The following VSNL1 variants were observed in gnomAD, a reference collection of about 807,000 sequenced individuals.
The protein encoded by VSNL1 is visinin like 1.
VSNL1 carries 6 observed loss-of-function variants against 20.4 expected under a neutral mutation model. The ratio of observed to expected loss-of-function variants is 0.29; its 90% CI spans 0.16 to 0.58. The LOEUF is 0.58. Among genes scored for constraint, VSNL1 ranks in the 20% least tolerant of loss-of-function variants. VSNL1 has a pLI of 0.90. For synonymous variants in VSNL1, 93 were observed against 86.4 expected, an observed-to-expected ratio of 1.08 and a Z score of -0.42; for missense variants, 100 against 234.5, an observed-to-expected ratio of 0.43 and a Z score of 3.75.
chr2:17,591,968 G>A, intron 1 of VSNL1, 102 bp from the exon 2 acceptor site: 1 of 1,306,954 alleles, frequency 7.7e-7, no homozygotes, highest in African/African-American at 1.5e-5. Context: ...ACACTGGAGG[G>A]AGTTCCGACC....
chr2:17,573,884 G>C (rs1323399159), intron 1 of VSNL1, among the ~76,000 whole-genome samples: 5 of 152,212 alleles, frequency 3.3e-5, no homozygotes, highest in Non-Finnish European at 7.3e-5. Context: ...ATCTGGAAAA[G>C]GAAAGAGTTT....
intron 1 of VSNL1, among the ~76,000 whole-genome samples, chr2:17,552,255 T>G (rs1199439933): frequency 2.0e-5 from 3 of 152,154 alleles, no homozygotes; most frequent in East Asian, 1.9e-4. Context: ...GTTGGATACT[T>G]ACACGCGTTA....
intron 2 of VSNL1, among the ~76,000 whole-genome samples, chr2:17,647,415 C>T (rs889629812): frequency 2.6e-5 from 4 of 152,256 alleles, no homozygotes; most frequent in African/African-American, 9.6e-5. Flanking sequence ...CAGGTGCCAG[C>T]CCCACCCAGG....
chr2:17,569,520 TCTC>T (rs912711494), intron 1 of VSNL1, among the ~76,000 whole-genome samples: 4 of 151,912 alleles, frequency 2.6e-5, no homozygotes, highest in Admixed American at 1.3e-4. Flanking sequence ...ATTAATAGCT[TCTC>T]ATTATTAGAA....
chr2:17,582,672 A>G (rs544461470), intron 1 of VSNL1, among the ~76,000 whole-genome samples: 1 of 152,234 alleles, frequency 6.6e-6, no homozygotes, highest in African/African-American at 2.4e-5. Flanking sequence ...ACTTACTCGG[A>G]GAGGAACAAA....
At chr2:17,565,298 T>A (rs1663911229) in intron 1 of VSNL1, among the ~76,000 whole-genome samples, 1 of 152,168 alleles carries the variant, frequency 6.6e-6, no homozygotes. Flanking sequence ...AATTATATAA[T>A]AAATATCCAT....
At chr2:17,641,954 A>G (rs1051454066) in intron 2 of VSNL1, among the ~76,000 whole-genome samples, 4 of 152,232 alleles carry the variant, frequency 2.6e-5, no homozygotes. Context: ...TGAAAGTAAC[A>G]TCCCTTCTTT....
chr2:17,566,338 A>G (rs1663941923), intron 1 of VSNL1, among the ~76,000 whole-genome samples: 1 of 152,194 alleles, frequency 6.6e-6, no homozygotes, highest in Non-Finnish European at 1.5e-5. Context: ...TTCTCTACAG[A>G]AAATATACCA....
intron 2 of VSNL1, among the ~76,000 whole-genome samples, chr2:17,628,848 G>A (rs1665570834): frequency 6.6e-6 from 1 of 152,206 alleles, no homozygotes. Flanking sequence ...TCTGCTCTCT[G>A]CATTTAGTTG....
At position 17,634,345 on chromosome 2, in the gene VSNL1, C is replaced by A. The variant is rs1158528547; in HGVS notation, c.163-15065C>A. Reference sequence around the variant, plus strand: ...CCCTACATTTTCCTTTTGCACTGAGCCCTGCAAATTATGTAAGAGGTCCTG... The same window carrying A: ...CCCTACATTTTCCTTTTGCACTGAGACCTGCAAATTATGTAAGAGGTCCTG... On this transcript the variant is annotated intron_variant, in intron 2 of 3. Coordinates refer to ENST00000295156, the MANE Select transcript of VSNL1 (RefSeq NM_003385.5). This position sits in a 1 kb window ranked among gnomAD's most constrained non-coding sequence, Gnocchi z 4.3. 6.6e-6 allele frequency among the ~76,000 whole-genome samples: 1 copy of A among 152,150 alleles called. No individual in the cohort carries two copies. The highest frequency in any genetic ancestry group is 1.5e-5 in the Non-Finnish European group (1 of 68,028).
intron 2 of VSNL1, among the ~76,000 whole-genome samples, chr2:17,625,840 A>AT (rs35795117): frequency 0.074 from 8,012 of 108,440 alleles, 538 homozygotes; most frequent in African/African-American, 0.17. Flanking sequence ...TCCTTAGCTG[A>AT]TTTTTTTTTT....
chr2:17,648,395 T>C (rs774263711), intron 2 of VSNL1, among the ~76,000 whole-genome samples: 1 of 152,194 alleles, frequency 6.6e-6, no homozygotes, highest in Non-Finnish European at 1.5e-5. Flanking sequence ...GCCATCTGTA[T>C]GAAGGCTGCT....
Position 17,588,183 on chromosome 2 carries a change from G to A in VSNL1, c.-5-3887G>A, listed in dbSNP as rs112111545. On this transcript the variant is annotated intron_variant, in intron 1 of 3. Coordinates refer to ENST00000295156, the MANE Select transcript of VSNL1 (RefSeq NM_003385.5). The stretch of plus-strand genomic sequence containing the variant: ...CCGGTTTCTGTCCCCTCCCTTCTTC[G>A]GTAATAAACACTTAAATGCTGATGG... 3.5e-3 allele frequency among the ~76,000 whole-genome samples: 526 copies of A among 152,202 alleles called. 3 individuals carry two copies. The highest frequency in any genetic ancestry group is 9.9e-3 in the African/African-American group (412 of 41,528).
chr2:17,655,617 C>T lies in VSNL1; in HGVS notation c.*223C>T, dbSNP rs192098991. ...AGCATATATAAAACAAAACAAACAA[C>T]CTGCCACAATGTGATATGTGTAATA... On this transcript the variant is annotated 3_prime_UTR_variant, in exon 4 of 4. Coordinates refer to ENST00000295156, the MANE Select transcript of VSNL1 (RefSeq NM_003385.5). The surrounding 1 kb of genome is among the most constrained non-coding windows in gnomAD (Gnocchi z 5.2). The T allele has an allele frequency of 3.6e-4, 183 of 509,036 alleles. No individual in the cohort carries two copies. Among genetic ancestry groups the T allele is most frequent in the Middle Eastern group, 1.6e-3 (3 of 1,868 alleles). The allele number at this position is 509,036 out of a possible 1,614,324, so 31.5% of individuals were successfully genotyped here.
At chr2:17,563,369 T>C (rs1258830573) in intron 1 of VSNL1, among the ~76,000 whole-genome samples, 1 of 152,164 alleles carries the variant, frequency 6.6e-6, no homozygotes, top group Admixed American at 6.5e-5. Flanking sequence ...TGCAAATTCA[T>C]TGTAGCTGGG....
intron 1 of VSNL1, among the ~76,000 whole-genome samples, chr2:17,552,441 A>G (rs1306899714): frequency 6.6e-6 from 1 of 152,102 alleles, no homozygotes; most frequent in African/African-American, 2.4e-5. Flanking sequence ...ACCAATCTAC[A>G]CACGTCTTTT....
intron 2 of VSNL1, among the ~76,000 whole-genome samples, chr2:17,615,925 A>G (rs534708733): frequency 6.6e-6 from 1 of 152,366 alleles, no homozygotes; most frequent in South Asian, 2.1e-4. Flanking sequence ...AAAAGCAAGA[A>G]ACAAGATCAT....
At chr2:17,648,606 C>T (rs890602644) in intron 2 of VSNL1, among the ~76,000 whole-genome samples, 10 of 152,304 alleles carry the variant, frequency 6.6e-5, no homozygotes, top group African/African-American at 2.4e-4. Flanking sequence ...CTTTGCAGTT[C>T]TTCCTTGTTA....
intron 2 of VSNL1, among the ~76,000 whole-genome samples, chr2:17,601,181 G>T (rs887330920): frequency 2.6e-5 from 4 of 152,172 alleles, no homozygotes; most frequent in African/African-American, 9.7e-5. Flanking sequence ...AGGTTGGAAA[G>T]AGCCCTTTAG....
Sources: gnomAD v4.1 joint callset for allele counts (sites outside exome capture counted in the v4.1 genomes callset) on GRCh38, gnomAD v4.1.1 for gene constraint, Gnocchi (gnomAD v3.1) non-coding constraint, MANE v1.5 for transcripts, NCBI Gene and HGNC (gene_info 2026-07-23, HGNC 2026-07-21) for gene names.